Variants in NECTIN1 observed in about 807,000 individuals in gnomAD.
NECTIN1 encodes the protein nectin cell adhesion molecule 1, also known as nectin-1.
NECTIN1 carries 23 observed loss-of-function variants against 48.0 expected under a neutral mutation model. The observed-to-expected ratio is 0.48, with a 90% confidence interval of 0.34 to 0.68. The LOEUF (loss-of-function observed/expected upper bound fraction) is 0.68. NECTIN1 is among the 30% of genes least tolerant of loss of function. NECTIN1 has a pLI of 0.01. For synonymous variants in NECTIN1, 270 were observed against 288.9 expected (o/e 0.93, Z 0.66); for missense variants, 591 against 709.9 (o/e 0.83, Z 1.90).
At chr11:119,656,852 C>G (rs1864582807), downstream of NECTIN1, among the ~76,000 whole-genome samples, 1 of 152,236 alleles carries the variant, frequency 6.6e-6, no homozygotes, top group African/African-American at 2.4e-5. Context: ...ATTCACTTCT[C>G]CTAGGTTGAC....
intron 5 of NECTIN1, among the ~76,000 whole-genome samples, chr11:119,670,420 C>T (rs865982384): frequency 2.6e-5 from 4 of 152,130 alleles, no homozygotes; most frequent in African/African-American, 4.8e-5. Context: ...ATCTGTTGGA[C>T]GACAGAATGA....
intron 1 of NECTIN1, among the ~76,000 whole-genome samples, chr11:119,696,907 C>A (rs556708949): frequency 1.6e-4 from 24 of 152,262 alleles, no homozygotes; most frequent in African/African-American, 5.8e-4. Flanking sequence ...GTGAGATAGC[C>A]GCGCGATGTC....
chr11:119,655,313 G>C (rs1864554681), intron 5 of NECTIN1, among the ~76,000 whole-genome samples: 1 of 152,072 alleles, frequency 6.6e-6, no homozygotes, highest in African/African-American at 2.4e-5. Context: ...CCTCCACATA[G>C]GTATGGCCTC....
rs912391899 is a variant in NECTIN1 at position 119,678,686 on chromosome 11, A to G, written c.159T>C (p.Phe53=). The G allele has an allele frequency of 1.9e-5, 31 of 1,613,852 alleles. No homozygotes were observed. The highest frequency in any genetic ancestry group is 2.5e-5 in the Non-Finnish European group (30 of 1,179,996). Residue 53 remains phenylalanine (F), a synonymous_variant, in exon 2 of 6, where the codon TTT becomes TTC. Coordinates refer to ENST00000264025, the MANE Select transcript of NECTIN1 (RefSeq NM_002855.5). This position sits in a 1 kb window ranked among gnomAD's most constrained non-coding sequence, Gnocchi z 4.4. ...IGTDVVLHCS[F]ANPLPSVKIT... ...TCTTCACGCTGGGAAGCGGGTTGGC[A>G]AAGCTGCAGTGCAGAACCACGTCTG...
intron 1 of NECTIN1, among the ~76,000 whole-genome samples, chr11:119,679,761 G>A (rs1047968822): frequency 1.3e-5 from 2 of 152,054 alleles, no homozygotes; most frequent in Non-Finnish European, 2.9e-5. Context: ...ATGGAGCACA[G>A]AGCCTATCCA....
rs935113321 is a variant in NECTIN1, at chr11:119,728,522, C to T, written c.32G>A (p.Gly11Glu). ...GCCGAGAGCGAGTCCCCACCAGCGT[C>T]CAGCGGCGCCCGCAAGCCCCATCCG... MARMGLAGAA[G>E]RWWGLALGLT... Residue 11 changes from glycine (G) to glutamate (E), a missense_variant, in exon 1 of 6, where the codon GGA becomes GAA. Coordinates refer to ENST00000264025, the MANE Select transcript of NECTIN1 (RefSeq NM_002855.5). 6.9e-6 allele frequency: 11 copies of T among 1,596,720 alleles called. No homozygotes were observed. The highest frequency in any genetic ancestry group is 8.5e-6 in the Non-Finnish European group (10 of 1,172,370).
Position 119,709,443 on chromosome 11 carries a change from C to T in NECTIN1, c.79+19032G>A, listed in dbSNP as rs888493508. On this transcript the variant is annotated intron_variant, in intron 1 of 5. Transcript: ENST00000264025. The surrounding 1 kb of genome is among the most constrained non-coding windows in gnomAD (Gnocchi z 4.1). ...GCAGGGGCAGGGGCGCAGAGGAAGC[C>T]GAGACTACCCTCTAAAGAGTCCTTT... 2.6e-5 allele frequency among the ~76,000 whole-genome samples: 4 copies of T among 152,198 alleles called. No individual in the cohort carries two copies. Among genetic ancestry groups the T allele is most frequent in the East Asian group, 1.9e-4 (1 of 5,152 alleles).
intron 5 of NECTIN1, among the ~76,000 whole-genome samples, chr11:119,654,525 G>A (rs901143390): frequency 2.2e-5 from 3 of 136,868 alleles, no homozygotes; most frequent in African/African-American, 8.2e-5. Context: ...CTCAGAATGG[G>A]AGGGAGATGG....
chr11:119,705,297 C>T (rs1237646446), intron 1 of NECTIN1, among the ~76,000 whole-genome samples: 3 of 152,190 alleles, frequency 2.0e-5, no homozygotes, highest in African/African-American at 7.2e-5. Flanking sequence ...CCTATTAGGT[C>T]CCAGGCATAC....
chr11:119,661,501 G>C lies in NECTIN1; in HGVS notation c.*3246C>G. On this transcript the variant is annotated 3_prime_UTR_variant, in exon 6 of 6. Coordinates refer to ENST00000264025, the MANE Select transcript of NECTIN1 (RefSeq NM_002855.5). ...TTCTGTTGGCAGTCAGGCTTTGGGG[G>C]TCTCTGTCTGGACTCCTGAGGCCTG... The C allele has an allele frequency of 1.0e-6, 1 of 985,938 alleles. No homozygotes were observed. The highest frequency in any genetic ancestry group is 1.2e-6 in the Non-Finnish European group (1 of 830,014). The allele number at this position is 985,938 out of a possible 1,614,324, so 61.1% of individuals were successfully genotyped here.
At chr11:119,675,055 A>T (rs1864923590) in intron 5 of NECTIN1, 104 bp downstream of exon 5, 2 of 1,366,470 alleles carry the variant, frequency 1.5e-6, no homozygotes, top group Admixed American at 3.7e-5. Flanking sequence ...GAGAAGCAGG[A>T]AAAGGAGATA....
chr11:119,719,538 A>G (rs914147758), intron 1 of NECTIN1, among the ~76,000 whole-genome samples: 6 of 152,226 alleles, frequency 3.9e-5, no homozygotes, highest in African/African-American at 1.4e-4. Flanking sequence ...GAACAGAAGT[A>G]CCTTCCATAT....
At chr11:119,638,391 G>T in intron 7 of NECTIN1, 1 of 1,136,578 alleles carries the variant, frequency 8.8e-7, no homozygotes, top group Non-Finnish European at 1.3e-6. Flanking sequence ...CTGTCTTGGA[G>T]GGCACAAGTG....
chr11:119,714,575 C>T (rs1024013300), intron 1 of NECTIN1, among the ~76,000 whole-genome samples: 3 of 152,286 alleles, frequency 2.0e-5, no homozygotes, highest in East Asian at 1.9e-4. Flanking sequence ...TCCACATCCC[C>T]GCTGTCCCCT....
chr11:119,638,755 G>T, exon 7 of NECTIN1: 1 of 1,613,966 alleles, frequency 6.2e-7, no homozygotes, highest in Non-Finnish European at 8.5e-7. Context: ...GCACAAGGGA[G>T]CTTTGCCTGC....
chr11:119,719,788 G>A (rs1199777908), intron 1 of NECTIN1, among the ~76,000 whole-genome samples: 1 of 152,202 alleles, frequency 6.6e-6, no homozygotes, highest in East Asian at 1.9e-4. Flanking sequence ...CCAAGTGACT[G>A]GATAGCAGGA....
chr11:119,695,378 C>A (rs1391504535), intron 1 of NECTIN1, among the ~76,000 whole-genome samples: 2 of 151,306 alleles, frequency 1.3e-5, no homozygotes, highest in African/African-American at 4.8e-5. Context: ...AGGTCCCACA[C>A]TGGCATCAGC....
chr11:119,725,760 G>A (rs1466243192), intron 1 of NECTIN1, among the ~76,000 whole-genome samples: 1 of 152,238 alleles, frequency 6.6e-6, no homozygotes, highest in Admixed American at 6.5e-5. Flanking sequence ...TTCCGAGGGT[G>A]TGCATGACAC....
At chr11:119,660,777 G>T (rs1162414580), downstream of NECTIN1, among the ~76,000 whole-genome samples, 1 of 152,114 alleles carries the variant, frequency 6.6e-6, no homozygotes, top group South Asian at 2.1e-4. Context: ...CGATGCTGTC[G>T]TCAAAGTCCA....
Sources: allele counts gnomAD v4.1 joint callset (sites outside exome capture counted in the v4.1 genomes callset), GRCh38; gene constraint gnomAD v4.1.1; non-coding constraint Gnocchi (gnomAD v3.1); transcripts MANE v1.5; gene names NCBI Gene and HGNC (gene_info 2026-07-23, HGNC 2026-07-21).